TMEM272: variants seen among roughly 807,000 people sequenced by gnomAD.
TMEM272 encodes the protein transmembrane protein 272, also known as long intergenic non-protein coding RNA 282.
Under a neutral mutation model 3.7 loss-of-function variants are expected in TMEM272, and 8 were observed. The ratio of observed to expected loss-of-function variants is 2.17; its 90% CI spans 1.27 to 3.91. The LOEUF is 3.91. TMEM272 is among the 30% of genes most tolerant of loss of function. The probability of loss-of-function intolerance (pLI) is 0.00; values close to 1 mark genes in which losing one functional copy is unlikely to be tolerated. For missense variants in TMEM272, 166 were observed against 91.5 expected (o/e 1.81, Z -3.32); for synonymous variants, 63 against 39.8 (o/e 1.58, Z -2.20).
chr13:51,857,019 C>G, the TMEM272 span, among the ~76,000 whole-genome samples: 1 of 152,086 alleles, frequency 6.6e-6, no homozygotes, highest in Non-Finnish European at 1.5e-5. Flanking sequence ...CTATTAAAAA[C>G]TTAGAGCCAA....
Position 51,816,723 on chromosome 13 carries a change from A to C in TMEM272, c.*28T>G. 1.5e-6 allele frequency: 1 copy of C among 683,168 alleles called. No individual in the cohort carries two copies. The allele number at this position is 683,168 out of a possible 1,614,324, so 42.3% of individuals were successfully genotyped here. ...CGCGCGTGCATGCACACGCATATGC[A>C]TACATGGTATGCTGGACAAGGCAGC... On this transcript the variant is annotated 3_prime_UTR_variant, in exon 5 of 5. Coordinates refer to ENST00000629372, the MANE Select transcript of TMEM272 (RefSeq NM_001351003.2).
At chr13:51,927,370 C>A in the TMEM272 span, among the ~76,000 whole-genome samples, 3 of 152,128 alleles carry the variant, frequency 2.0e-5, no homozygotes, top group African/African-American at 7.2e-5. Flanking sequence ...TTATATTTAG[C>A]CCCCAAAGCT....
intron 3 of TMEM272, among the ~76,000 whole-genome samples, chr13:51,823,359 T>C (rs1221227153): frequency 6.6e-6 from 1 of 152,262 alleles, no homozygotes; most frequent in Non-Finnish European, 1.5e-5. Flanking sequence ...ATTACAGGCC[T>C]GAGCCACTGT....
chr13:51,854,946 G>A, the TMEM272 span, among the ~76,000 whole-genome samples: 1 of 152,050 alleles, frequency 6.6e-6, no homozygotes, highest in Non-Finnish European at 1.5e-5. Flanking sequence ...GGTTGTTTGG[G>A]CAAAATATCG....
At chr13:51,864,453 G>T in the TMEM272 span, among the ~76,000 whole-genome samples, 1 of 152,280 alleles carries the variant, frequency 6.6e-6, no homozygotes, top group Admixed American at 6.5e-5. Flanking sequence ...ATGGCATTTA[G>T]TCTTGCTTGT....
chr13:51,862,926 G>A, the TMEM272 span, among the ~76,000 whole-genome samples: 1 of 152,188 alleles, frequency 6.6e-6, no homozygotes, highest in African/African-American at 2.4e-5. Flanking sequence ...TAGCTGCTGG[G>A]TTACAGAGAT....
At chr13:51,909,726 A>G in the TMEM272 span, 13 of 1,547,612 alleles carry the variant, frequency 8.4e-6, no homozygotes, top group South Asian at 3.3e-5. Context: ...ACCATCTTTC[A>G]ATTCACTGTT....
intron 2 of TMEM272, among the ~76,000 whole-genome samples, chr13:51,831,060 G>C (rs1321056822): frequency 7.2e-5 from 11 of 152,194 alleles, no homozygotes; most frequent in Non-Finnish European, 1.3e-4. Context: ...GACTCTCAGG[G>C]TCTCAATGGC....
In TMEM272 at chr13:51,822,035, A is replaced by G. The variant is rs1243709368; in HGVS notation, c.201+20T>C. On this transcript the variant is annotated intron_variant, in intron 4 of 4. Coordinates refer to ENST00000629372, the MANE Select transcript of TMEM272 (RefSeq NM_001351003.2). ...GTTAATTTCTACAAGGACTACAAAC[A>G]GCAGATAAAGATACTTTACCTTTAA... The G allele has an allele frequency of 1.4e-6, 1 of 702,454 alleles. No homozygotes were observed. The highest frequency in any genetic ancestry group is 2.0e-5 in the Admixed American group (1 of 50,002). The allele number at this position is 702,454 out of a possible 1,614,324, so 43.5% of individuals were successfully genotyped here.
chr13:51,912,543 C>T, the TMEM272 span, among the ~76,000 whole-genome samples: 14 of 152,184 alleles, frequency 9.2e-5, no homozygotes, highest in Non-Finnish European at 1.8e-4. Flanking sequence ...CCTCTAAACG[C>T]CTTTCTCTTT....
chr13:51,821,961 C>G (rs1956083398), intron 4 of TMEM272, 94 bp downstream of exon 4: 2 of 698,678 alleles, frequency 2.9e-6, no homozygotes, highest in Non-Finnish European at 5.2e-6. Flanking sequence ...TGTTTTGTCT[C>G]CCCTGTGAAT....
At chr13:51,841,589 T>C (rs963704631) in intron 1 of TMEM272, among the ~76,000 whole-genome samples, 20 of 152,318 alleles carry the variant, frequency 1.3e-4, no homozygotes, top group African/African-American at 4.6e-4. Context: ...CAAAAAGTAA[T>C]AGAGCTGCAT....
At chr13:51,844,717 C>T (rs765204132) in intron 1 of TMEM272, among the ~76,000 whole-genome samples, 47 of 152,314 alleles carry the variant, frequency 3.1e-4, no homozygotes, top group Admixed American at 2.0e-3. Context: ...CTGTGGTCCC[C>T]ACTCGCTGTC....
At chr13:51,851,834 T>C in the TMEM272 span, among the ~76,000 whole-genome samples, 1 of 152,236 alleles carries the variant, frequency 6.6e-6, no homozygotes, top group Non-Finnish European at 1.5e-5. Context: ...GTTATATATT[T>C]TTTTACAGCT....
At chr13:51,845,695 T>A (rs1033111661), upstream of TMEM272, among the ~76,000 whole-genome samples, 3 of 152,230 alleles carry the variant, frequency 2.0e-5, no homozygotes, top group Non-Finnish European at 4.4e-5. Context: ...GGCTGCTTTG[T>A]GAGGCTGTTG....
At chr13:51,831,774 G>A (rs960592561) in intron 2 of TMEM272, among the ~76,000 whole-genome samples, 1 of 152,214 alleles carries the variant, frequency 6.6e-6, no homozygotes, top group Admixed American at 6.5e-5. Context: ...CGATTGCAGC[G>A]GCTTGACAGC....
chr13:51,862,394 T>TA, the TMEM272 span, among the ~76,000 whole-genome samples: 1 of 152,256 alleles, frequency 6.6e-6, no homozygotes, highest in Non-Finnish European at 1.5e-5. Context: ...TCTACAGTTT[T>TA]ATATTGTACT....
chr13:51,887,808 G>A, the TMEM272 span, among the ~76,000 whole-genome samples: 1 of 152,138 alleles, frequency 6.6e-6, no homozygotes, highest in Non-Finnish European at 1.5e-5. Flanking sequence ...AAGATTTCAG[G>A]CCCACTGGGG....
At chr13:51,891,797 G>A in the TMEM272 span, among the ~76,000 whole-genome samples, 2 of 152,186 alleles carry the variant, frequency 1.3e-5, no homozygotes, top group Admixed American at 1.3e-4. Context: ...TGAGTATTTG[G>A]AAAGAGTATT....
Sources: gnomAD v4.1 joint callset for allele counts (sites outside exome capture counted in the v4.1 genomes callset) on GRCh38, gnomAD v4.1.1 for gene constraint, MANE v1.5 for transcripts, NCBI Gene and HGNC (gene_info 2026-07-23, HGNC 2026-07-21) for gene names.